The following SMTNL2 variants were observed in gnomAD, a reference collection of about 807,000 sequenced individuals.
SMTNL2 encodes the protein smoothelin-like protein 2.
SMTNL2 carries 43 observed loss-of-function variants against 44.1 expected under a neutral mutation model. That is an observed-to-expected ratio of 0.98 (90% CI 0.76 to 1.26). The LOEUF (loss-of-function observed/expected upper bound fraction) is 1.26, where lower values mean the gene tolerates loss of function less well. Among genes scored for constraint, SMTNL2 ranks in the 50% most tolerant of loss-of-function variants. SMTNL2 has a pLI of 0.00. For missense variants in SMTNL2, 646 were observed against 670.2 expected, an observed-to-expected ratio of 0.96 and a Z score of 0.40; for synonymous variants, 317 against 287.6, an observed-to-expected ratio of 1.10 and a Z score of -1.03.
In SMTNL2 at chr17:4,593,806, C is replaced by T. The variant is rs1909685529; in HGVS notation, c.731-16C>T. 3 of 1,612,846 alleles carry T rather than the reference C, an allele frequency of 1.9e-6. No homozygotes were observed. The highest frequency in any genetic ancestry group is 2.5e-6 in the Non-Finnish European group (3 of 1,179,746). On this transcript the variant is annotated splice_polypyrimidine_tract_variant and intron_variant, in intron 3 of 7. Coordinates refer to ENST00000389313, the MANE Select transcript of SMTNL2 (RefSeq NM_001114974.2). The stretch of plus-strand genomic sequence containing the variant: ...GGGGCCAGGGTTTGTTACTTCTCTC[C>T]CTCTCTCTTCCACAGAGAAGAATTC...
intron 7 of SMTNL2, among the ~76,000 whole-genome samples, chr17:4,599,331 G>A (rs1909937337): frequency 6.6e-6 from 1 of 152,198 alleles, no homozygotes; most frequent in South Asian, 2.1e-4. Flanking sequence ...GTGTGGTGGA[G>A]CCAAGGGGAA....
At position 4,584,968 on chromosome 17, in the gene SMTNL2, C is replaced by T. The variant is rs1285505801; in HGVS notation, c.363C>T (p.Ala121=). ...CCCGCCTGGGCAGCGCACGCTTCGC[C>T]AGCCACGCCACCTTCTCGCTGTCCG... ...RAPRLGSARF[A]SHATFSLSGR... is the part of the protein sequence containing the mutation. The change falls in exon 1 of 8, where the codon GCC becomes GCT. Residue 121 remains alanine, a synonymous_variant. Transcript: ENST00000389313. 25 of 1,375,904 alleles carry T rather than the reference C, an allele frequency of 1.8e-5. No homozygotes were observed. Among genetic ancestry groups the T allele is most frequent in the Non-Finnish European group, 2.3e-5 (25 of 1,066,396 alleles). 85.2% of individuals were successfully genotyped at this position (1,375,904 alleles called of 1,614,324 possible). A position where few individuals can be genotyped will look rare whatever the true frequency, so the allele number is the denominator to read the frequency against.
chr17:4,607,749 C>G lies in SMTNL2; in HGVS notation c.*262C>G. ...TATGAGAGAGAGAGAGACATTGGTGCTAAGTAATGATCTTCCTAAAGAAAT... is the reference window on the plus strand; with the variant it reads ...TATGAGAGAGAGAGAGACATTGGTGGTAAGTAATGATCTTCCTAAAGAAAT... On this transcript the variant is annotated 3_prime_UTR_variant, in exon 8 of 8. Coordinates refer to ENST00000389313, the MANE Select transcript of SMTNL2 (RefSeq NM_001114974.2). The surrounding 1 kb of genome is among the most constrained non-coding windows in gnomAD (Gnocchi z 4.7). 2.5e-6 allele frequency: 1 copy of G among 405,070 alleles called. No individual in the cohort carries two copies. The highest frequency in any genetic ancestry group is 5.1e-5 in the South Asian group (1 of 19,614). The allele number at this position is 405,070 out of a possible 1,614,324, so 25.1% of individuals were successfully genotyped here.
Position 4,584,931 on chromosome 17 carries a change from C to T in SMTNL2, c.326C>T (p.Pro109Leu). 1 of 1,323,456 alleles carries T rather than the reference C, an allele frequency of 7.6e-7. No individual in the cohort carries two copies. Among genetic ancestry groups the T allele is most frequent in the Non-Finnish European group, 9.6e-7 (1 of 1,041,778 alleles). The allele number at this position is 1,323,456 out of a possible 1,614,324, so 82.0% of individuals were successfully genotyped here. A position where few individuals can be genotyped will look rare whatever the true frequency, so the allele number is the denominator to read the frequency against. ...TPSPPPAPGVPDRAPRLGSAR... is the reference protein window; with the variant it reads ...TPSPPPAPGVLDRAPRLGSAR... ...AGCCCCCCGCCCGCGCCCGGGGTTC[C>T]CGACCGCGCGCCCCGCCTGGGCAGC... The change falls in exon 1 of 8, where the codon CCC becomes CTC. Residue 109 changes from proline (P) to leucine (L), a missense_variant. Transcript: ENST00000389313.
chr17:4,600,342 CCA>C lies in SMTNL2; in HGVS notation c.1259+3022_1259+3023del, dbSNP rs1909979992. 6.6e-6 allele frequency among the ~76,000 whole-genome samples: 1 copy of C among 152,106 alleles called. No homozygotes were observed. The highest frequency in any genetic ancestry group is 2.4e-5 in the African/African-American group (1 of 41,392). On this transcript the variant is annotated intron_variant, in intron 7 of 7. Transcript: ENST00000389313. The surrounding 1 kb of genome is among the most constrained non-coding windows in gnomAD (Gnocchi z 4.7). ...ATCCAGGGTCGTGCAGGCAGCAGGACCACAGAGCTAAGAAAGGCAGCCTGGGG... is the reference window on the plus strand; with the variant it reads ...ATCCAGGGTCGTGCAGGCAGCAGGACCAGAGCTAAGAAAGGCAGCCTGGGG...
intron 7 of SMTNL2, among the ~76,000 whole-genome samples, chr17:4,601,088 G>A (rs1910008499): frequency 6.6e-6 from 1 of 152,200 alleles, no homozygotes; most frequent in South Asian, 2.1e-4. Context: ...ACTGATGCGG[G>A]GCGTAAGCAA....
intron 7 of SMTNL2, among the ~76,000 whole-genome samples, chr17:4,605,716 C>T (rs1299730122): frequency 1.3e-5 from 2 of 152,132 alleles, no homozygotes; most frequent in African/African-American, 4.8e-5. Context: ...TACAAAAGTA[C>T]ACACAGCTGC....
rs766864476 is a variant in SMTNL2, at chr17:4,593,883, C to A, written c.792C>A (p.Ser264Arg). The A allele has an allele frequency of 3.1e-6, 5 of 1,613,904 alleles. No individual in the cohort carries two copies. The highest frequency in any genetic ancestry group is 2.2e-5 in the East Asian group (1 of 44,874). Residue 264 changes from serine (S) to arginine (R), a missense_variant, in exon 4 of 8, where the codon AGC (serine) becomes AGA (arginine). Ser to Arg is a moderately radical substitution (Grantham distance 110, BLOSUM62 -1). Transcript: ENST00000389313. ...CTGGCTATGGGGCAGTGACAGCAAG[C>A]AAACACAGCAATAGGTGAGTCAGGG... ...PSSGYGAVTA[S>R]KHSNSPPLVT...
At chr17:4,599,867 C>T (rs1313645824) in intron 7 of SMTNL2, among the ~76,000 whole-genome samples, 1 of 152,210 alleles carries the variant, frequency 6.6e-6, no homozygotes, top group African/African-American at 2.4e-5. Context: ...GTTTTGCCTT[C>T]TGCCTTCCCG....
intron 1 of SMTNL2, among the ~76,000 whole-genome samples, chr17:4,588,904 C>T (rs1909450659): frequency 6.6e-6 from 1 of 152,208 alleles, no homozygotes; most frequent in Non-Finnish European, 1.5e-5. Flanking sequence ...CCTGCCCCAC[C>T]CCACGTCTTG....
At chr17:4,585,074 C>T in intron 1 of SMTNL2, 70 bp downstream of exon 1, 1 of 1,265,784 alleles carries the variant, frequency 7.9e-7, no homozygotes. Flanking sequence ...CCCCTTCGCC[C>T]CGACTGCCTG....
chr17:4,589,932 A>G (rs138374364), intron 1 of SMTNL2, among the ~76,000 whole-genome samples: 22,926 of 104,530 alleles, frequency 0.22, 2,111 homozygotes, highest in Middle Eastern at 0.28. Flanking sequence ...CTTTGGACGC[A>G]CCTGGCTTTT....
Position 4,600,177 on chromosome 17 carries a change from CG to C in SMTNL2, c.1259+2855del, listed in dbSNP as rs1407648778. ...GCCTGCCTGGGGCCTCTGGGGAGGA[CG>C]ACAGCTTGGATCACCTCATTTGTTG... On this transcript the variant is annotated intron_variant, in intron 7 of 7. Coordinates refer to ENST00000389313, the MANE Select transcript of SMTNL2 (RefSeq NM_001114974.2). This position sits in a 1 kb window ranked among gnomAD's most constrained non-coding sequence, Gnocchi z 4.7. Among the ~76,000 whole-genome samples the C allele has an allele frequency of 6.6e-6, 1 of 152,126 alleles. No individual in the cohort carries two copies. Among genetic ancestry groups the C allele is most frequent in the African/African-American group, 2.4e-5 (1 of 41,412 alleles).
chr17:4,593,986 G>A, intron 4 of SMTNL2, 89 bp downstream of exon 4: 4 of 1,390,460 alleles, frequency 2.9e-6, no homozygotes, highest in Non-Finnish European at 4.1e-6. Context: ...TGGCCCTGGG[G>A]TTGGTGCCTC....
intron 1 of SMTNL2, among the ~76,000 whole-genome samples, chr17:4,588,325 C>G (rs910952559): frequency 5.3e-5 from 8 of 152,244 alleles, no homozygotes; most frequent in African/African-American, 1.9e-4. Flanking sequence ...TGAAATCAGA[C>G]TTACCTCATC....
intron 1 of SMTNL2, among the ~76,000 whole-genome samples, chr17:4,589,938 CTTTTTTTTTTTTT>C (rs780984262): frequency 8.4e-5 from 5 of 59,872 alleles, no homozygotes; most frequent in African/African-American, 3.5e-4. Context: ...ACGCACCTGG[CTTTTTTTTTTTTT>C]TTTTTTTTTT....
Position 4,597,303 on chromosome 17 carries a change from G to A in SMTNL2, c.1239G>A (p.Glu413=), listed in dbSNP as rs148739358. 5.0e-6 allele frequency: 8 copies of A among 1,614,104 alleles called. No homozygotes were observed. The highest frequency in any genetic ancestry group is 5.9e-6 in the Non-Finnish European group (7 of 1,179,968). The change falls in exon 7 of 8, where the codon GAG becomes GAA. Residue 413 remains glutamate (E), a synonymous_variant. Coordinates refer to ENST00000389313, the MANE Select transcript of SMTNL2 (RefSeq NM_001114974.2). ...LSPTQRQKNF[E]LAFTMAENLA... is the part of the protein sequence containing the mutation. Reference sequence around the variant, plus strand: ...CCACGCAGAGGCAGAAGAACTTCGAGCTGGCTTTCACCATGGCCGAGTGAG... The same window carrying A: ...CCACGCAGAGGCAGAAGAACTTCGAACTGGCTTTCACCATGGCCGAGTGAG...
In SMTNL2 at chr17:4,593,023, C is replaced by T. The variant is rs769525323; in HGVS notation, c.582C>T (p.His194=). 1.1e-5 allele frequency: 18 copies of T among 1,613,936 alleles called. No individual in the cohort carries two copies. The highest frequency in any genetic ancestry group is 8.9e-5 in the East Asian group (4 of 44,892). ...RPVSLSLRLP[H]QPVTAITRVS... Reference sequence around the variant, plus strand: ...TGAGCCTCTCCTTGCGGCTGCCCCACCAGCCAGTCACGGCCATCACCCGAG... The same window carrying T: ...TGAGCCTCTCCTTGCGGCTGCCCCATCAGCCAGTCACGGCCATCACCCGAG... Residue 194 remains histidine (H), a synonymous_variant, in exon 3 of 8, where the codon CAC becomes CAT. Transcript: ENST00000389313.
rs372704923 is a variant in SMTNL2, at chr17:4,595,115, C to T, written c.807-30C>T. 6.2e-7 allele frequency: 1 copy of T among 1,612,844 alleles called. No homozygotes were observed. The highest frequency in any genetic ancestry group is 1.3e-5 in the African/African-American group (1 of 74,932). On this transcript the variant is annotated intron_variant, in intron 4 of 7. Coordinates refer to ENST00000389313, the MANE Select transcript of SMTNL2 (RefSeq NM_001114974.2). The surrounding 1 kb of genome is among the most constrained non-coding windows in gnomAD (Gnocchi z 5.1). ...GTGAGCTAGTGATGGCTGCTGGGCC[C>T]AGGTCCCAACTCGGCGATTCTTTCC...
Sources: allele counts gnomAD v4.1 joint callset (sites outside exome capture counted in the v4.1 genomes callset), GRCh38; gene constraint gnomAD v4.1.1; non-coding constraint Gnocchi (gnomAD v3.1); transcripts MANE v1.5; gene names NCBI Gene and HGNC (gene_info 2026-07-23, HGNC 2026-07-21).